TBX1: variants seen among roughly 807,000 people sequenced by gnomAD.
TBX1 encodes T-box transcription factor TBX1.
Under a neutral mutation model 40.8 loss-of-function variants are expected in TBX1, and 16 were observed. The ratio of observed to expected loss-of-function variants is 0.39; its 90% CI spans 0.27 to 0.60. The LOEUF (loss-of-function observed/expected upper bound fraction) is 0.60. Among genes scored for constraint, TBX1 ranks in the 20% least tolerant of loss-of-function variants. TBX1 has a pLI of 0.51. For missense variants in TBX1, 755 were observed against 728.5 expected, an observed-to-expected ratio of 1.04 and a Z score of -0.42; for synonymous variants, 403 against 336.8, an observed-to-expected ratio of 1.20 and a Z score of -2.15.
Position 19,766,608 on chromosome 22 carries a change from C to T in TBX1, c.1256C>T (p.Pro419Leu), listed in dbSNP as rs762467149. ...LRLEAPGASEPLHHHPYKYPA... is the reference protein window; with the variant it reads ...LRLEAPGASELLHHHPYKYPA... The stretch of plus-strand genomic sequence containing the variant: ...CTGGAGGCGCCCGGCGCATCGGAGC[C>T]GCTGCACCACCACCCCTACAAATAT... Residue 419 changes from proline (P) to leucine (L), a missense_variant, in exon 7 of 7, where the codon CCG becomes CTG. By Grantham distance (98) the Pro-to-Leu change is moderately conservative. Transcript: ENST00000649276. The T allele has an allele frequency of 2.9e-5, 44 of 1,518,478 alleles. No individual in the cohort carries two copies. The highest frequency in any genetic ancestry group is 2.0e-4 in the Middle Eastern group (1 of 4,932). The allele number at this position is 1,518,478 out of a possible 1,614,324, so 94.1% of individuals were successfully genotyped here.
downstream of TBX1, among the ~76,000 whole-genome samples, chr22:19,771,892 G>A (rs1030248852): frequency 6.6e-6 from 1 of 152,198 alleles, no homozygotes; most frequent in South Asian, 2.1e-4. Flanking sequence ...CTGTGGCCTC[G>A]GGCAACGCTG....
At chr22:19,757,475 C>T (rs1039393899), upstream of TBX1, among the ~76,000 whole-genome samples, 1 of 152,194 alleles carries the variant, frequency 6.6e-6, no homozygotes, top group Non-Finnish European at 1.5e-5. Context: ...CCACAGGCCC[C>T]ACATCTGGCC....
chr22:19,764,402 C>A (rs1172843421), intron 3 of TBX1, 76 bp downstream of exon 3: 6 of 1,573,300 alleles, frequency 3.8e-6, no homozygotes, highest in South Asian at 1.1e-5. Flanking sequence ...CCCTAAGAGG[C>A]CTGTAGAATC....
chr22:19,767,705 C>G (rs1263657595), downstream of TBX1, among the ~76,000 whole-genome samples: 2 of 152,326 alleles, frequency 1.3e-5, no homozygotes, highest in East Asian at 1.9e-4. Context: ...GGGCCTGCGC[C>G]CTGGCCTGTT....
chr22:19,770,411 C>A (rs528349325), downstream of TBX1, among the ~76,000 whole-genome samples: 17 of 152,336 alleles, frequency 1.1e-4, no homozygotes, highest in South Asian at 2.5e-3. Flanking sequence ...AAGACCCCCC[C>A]ACGGCTGCCC....
intron 8 of TBX1, among the ~76,000 whole-genome samples, chr22:19,775,031 G>C (rs912475001): frequency 6.6e-6 from 1 of 151,780 alleles, no homozygotes; most frequent in African/African-American, 2.4e-5. Flanking sequence ...CTTCCACCTC[G>C]GCCTCCCAAA....
At chr22:19,765,607 C>T (rs535996761) in intron 4 of TBX1, 151 bp from the exon 5 acceptor site, 3 of 830,326 alleles carry the variant, frequency 3.6e-6, no homozygotes, top group East Asian at 2.7e-5. Flanking sequence ...AGCACCAGCT[C>T]CGTAGAGGAG....
downstream of TBX1, among the ~76,000 whole-genome samples, chr22:19,770,251 A>C (rs145588223): frequency 5.3e-3 from 809 of 152,314 alleles, 11 homozygotes; most frequent in African/African-American, 0.019. Context: ...CAGATGCACA[A>C]CGCAGGAAAT....
At chr22:19,768,965 T>TTTTTTTTTTTTTTG, downstream of TBX1, among the ~76,000 whole-genome samples, 1 of 137,614 alleles carries the variant, frequency 7.3e-6, no homozygotes, top group Non-Finnish European at 1.6e-5. Flanking sequence ...TTTTTTTTTT[T>TTTTTTTTTTTTTTG]TTTTTTTTTT....
chr22:19,766,583 C>G lies in TBX1; in HGVS notation c.1231C>G (p.Leu411Val). ...CAGTCCCCCGAACCCCGAGCTGCGC[C>G]TGGAGGCGCCCGGCGCATCGGAGCC... Reference protein sequence around the residue: ...RPSPPNPELRLEAPGASEPLH... With the variant: ...RPSPPNPELRVEAPGASEPLH... Residue 411 changes from leucine to valine, a missense_variant, in exon 7 of 7, where the codon CTG becomes GTG. Around this residue, in one of 3 missense-constraint regions of TBX1, gnomAD observed 412 missense variants for 317.6 expected, o/e 1.30. Transcript: ENST00000649276. 2 of 1,471,200 alleles carry G rather than the reference C, an allele frequency of 1.4e-6. No individual in the cohort carries two copies. Among genetic ancestry groups the G allele is most frequent in the Admixed American group, 2.3e-5 (1 of 44,430 alleles). The allele number at this position is 1,471,200 out of a possible 1,614,324, so 91.1% of individuals were successfully genotyped here. A position where few individuals can be genotyped will look rare whatever the true frequency, so the allele number is the denominator to read the frequency against.
upstream of TBX1, among the ~76,000 whole-genome samples, chr22:19,757,019 G>T (rs888180186): frequency 6.6e-6 from 1 of 152,176 alleles, no homozygotes; most frequent in African/African-American, 2.4e-5. Flanking sequence ...CGGCGGCTCC[G>T]GCTGGAGGCT....
chr22:19,766,563 C>T lies in TBX1; in HGVS notation c.1211C>T (p.Pro404Leu), dbSNP rs773195263. The T allele has an allele frequency of 7.0e-7, 1 of 1,428,382 alleles. No homozygotes were observed. Among genetic ancestry groups the T allele is most frequent in the Non-Finnish European group, 9.2e-7 (1 of 1,091,594 alleles). The allele number at this position is 1,428,382 out of a possible 1,614,324, so 88.5% of individuals were successfully genotyped here. The change falls in exon 7 of 7, where the codon CCC (proline) becomes CTC (leucine). Residue 404 changes from proline (P) to leucine (L), a missense_variant. Physicochemically the swap from Pro to Leu is moderately conservative, Grantham distance 98. Coordinates refer to ENST00000649276, the MANE Select transcript of TBX1 (RefSeq NM_001379200.1). ...LPGAPGGRPS[P>L]PNPELRLEAP... The stretch of plus-strand genomic sequence containing the variant: ...GGCGCGCCCGGAGGCCGGCCCAGTC[C>T]CCCGAACCCCGAGCTGCGCCTGGAG...
At chr22:19,766,289 G>C in intron 6 of TBX1, 100 bp from the exon 7 acceptor site, 1 of 1,200,870 alleles carries the variant, frequency 8.3e-7, no homozygotes, top group Non-Finnish European at 1.0e-6. Context: ...GGAACACCGA[G>C]GGCGGCCAAG....
At chr22:19,768,757 G>C (rs560684495), downstream of TBX1, among the ~76,000 whole-genome samples, 1 of 152,200 alleles carries the variant, frequency 6.6e-6, no homozygotes, top group Admixed American at 6.5e-5. Flanking sequence ...GAGCTAAAGG[G>C]AGGAAAAGCC....
upstream of TBX1, among the ~76,000 whole-genome samples, chr22:19,757,028 C>G (rs1340120792): frequency 6.6e-6 from 1 of 152,164 alleles, no homozygotes; most frequent in Non-Finnish European, 1.5e-5. Context: ...CGGCTGGAGG[C>G]TGGGACGGCC....
chr22:19,766,711 C>T lies in TBX1; in HGVS notation c.1359C>T (p.His453=), dbSNP rs1220689917. Residue 453 remains histidine (H), a synonymous_variant, in exon 7 of 7, where the codon CAC becomes CAT. Coordinates refer to ENST00000649276, the MANE Select transcript of TBX1 (RefSeq NM_001379200.1). ...ACCCGCTGCCCGGCCTGCGTGGCCACGGCTACCACCCGCACGCGCATCCGC... is the reference window on the plus strand; with the variant it reads ...ACCCGCTGCCCGGCCTGCGTGGCCATGGCTACCACCCGCACGCGCATCCGC... ...APYPLPGLRG[H]GYHPHAHPHH... The T allele has an allele frequency of 3.9e-6, 6 of 1,540,438 alleles. No homozygotes were observed. The Admixed American group carries it at 9.3e-5, about 24-fold the overall frequency.
At chr22:19,782,054 A>G (rs1353637609), downstream of TBX1, among the ~76,000 whole-genome samples, 1 of 152,220 alleles carries the variant, frequency 6.6e-6, no homozygotes, top group Non-Finnish European at 1.5e-5. Context: ...TGTTTTGATT[A>G]CTATAGCTTT....
At position 19,764,291 on chromosome 22, in the gene TBX1, A is replaced by C; in HGVS notation, c.676A>C (p.Lys226Gln). ...MKQIVSFDKL[K>Q]LTNNLLDDNG... ...GCAAATCGTGTCCTTCGACAAGCTCAAGCTGACCAACAACCTACTGGACGA... is the reference window on the plus strand; with the variant it reads ...GCAAATCGTGTCCTTCGACAAGCTCCAGCTGACCAACAACCTACTGGACGA... The change falls in exon 3 of 7, where the codon AAG (lysine) becomes CAG (glutamine). Residue 226 changes from lysine (K) to glutamine (Q), a missense_variant. By Grantham distance (53) the Lys-to-Gln change is moderately conservative (BLOSUM62 1). Transcript: ENST00000649276. 1 of 1,613,332 alleles carries C rather than the reference A, an allele frequency of 6.2e-7. No individual in the cohort carries two copies. The highest frequency in any genetic ancestry group is 8.5e-7 in the Non-Finnish European group (1 of 1,179,940).
chr22:19,782,593 G>A (rs1937152375), downstream of TBX1, among the ~76,000 whole-genome samples: 1 of 152,048 alleles, frequency 6.6e-6, no homozygotes. Flanking sequence ...TGGTGTGTTG[G>A]GACAAGGAAG....
Sources: allele counts gnomAD v4.1 joint callset (sites outside exome capture counted in the v4.1 genomes callset), GRCh38; gene constraint gnomAD v4.1.1; regional missense constraint gnomAD v4.1.1; transcripts MANE v1.5; gene names NCBI Gene and HGNC (gene_info 2026-07-23, HGNC 2026-07-21).